The following TTN variants were observed in gnomAD, a reference collection of about 807,000 sequenced individuals.
TTN encodes connectin.
In TTN, 1,525 loss-of-function variants were observed where a neutral mutation model predicts 3,223.0. The ratio of observed to expected loss-of-function variants is 0.47; its 90% confidence interval spans 0.45 to 0.49. The LOEUF (loss-of-function observed/expected upper bound fraction) is 0.49, where lower values mean the gene tolerates loss of function less well. Among genes scored for constraint, TTN ranks in the 20% least tolerant of loss-of-function variants. The probability of loss-of-function intolerance (pLI) is 0.00; values close to 1 mark genes in which losing one functional copy is unlikely to be tolerated. For synonymous variants in TTN, 14,094 were observed against 15,161.0 expected (o/e 0.93, Z 5.17); for missense variants, 40,786 against 43,424.0 (o/e 0.94, Z 5.40).
chr2:178,720,377 A>T lies in TTN; in HGVS notation c.23377+8T>A. On this transcript the variant is annotated splice_region_variant and intron_variant, in intron 80 of 362. Transcript: ENST00000589042. ...GGGGCATATATTTTTGTGTCCATGT[A>T]TACAAACCTTTGAACTTGACAGAGC... 1 of 1,608,160 alleles carries T rather than the reference A, an allele frequency of 6.2e-7. No individual in the cohort carries two copies. The highest frequency in any genetic ancestry group is 8.5e-7 in the Non-Finnish European group (1 of 1,176,722).
chr2:178,587,032 A>G, intron 307 of TTN, 86 bp downstream of exon 307: 2 of 1,530,362 alleles, frequency 1.3e-6, no homozygotes, highest in Non-Finnish European at 8.9e-7. Flanking sequence ...AATCTCTTTC[A>G]GAAGTGGATT....
At position 178,717,317 on chromosome 2, in the gene TTN, C is replaced by T. The variant is rs769092741; in HGVS notation, c.25417G>A (p.Gly8473Ser). 5 of 1,613,606 alleles carry T rather than the reference C, an allele frequency of 3.1e-6. No individual in the cohort carries two copies. Among genetic ancestry groups the T allele is most frequent in the Non-Finnish European group, 4.2e-6 (5 of 1,179,620 alleles). ...CCAGTTACATGACATTTAAAAGTACCACTTTCTCCAAGAGCAAGATCTACT... is the reference window on the plus strand; with the variant it reads ...CCAGTTACATGACATTTAAAAGTACTACTTTCTCCAAGAGCAAGATCTACT... ...VSVDLALGES[G>S]TFKCHVTGTA... Residue 8473 changes from glycine (G) to serine (S), a missense_variant, in exon 88 of 363, where the codon GGT (glycine) becomes AGT (serine). Transcript: ENST00000589042.
Position 178,534,075 on chromosome 2 carries a change from A to G in TTN, c.102540T>C (p.Ser34180=), listed in dbSNP as rs368844570. The G allele has an allele frequency of 3.9e-5, 63 of 1,613,788 alleles. No homozygotes were observed. The South Asian group carries it at 4.5e-4, about 12-fold the overall frequency. The change falls in exon 358 of 363, where the codon AGT becomes AGC. Residue 34180 remains serine (S), a synonymous_variant. Coordinates refer to ENST00000589042, the MANE Select transcript of TTN (RefSeq NM_001267550.2). The part of the protein sequence containing the change: ...WYFGVRQLEN[S]EKYEITYEDG... ...CTTCGTAGGTGATTTCGTATTTCTC[A>G]CTGTTCTCCAGCTGTCGGACGCCAA... is the stretch of plus-strand genomic sequence containing the variant.
At position 178,718,553 on chromosome 2, in the gene TTN, C is replaced by T; in HGVS notation, c.24553G>A (p.Gly8185Arg). Reference protein sequence around the residue: ...KRLADFSVETGSPIVLEATYT... With the variant: ...KRLADFSVETRSPIVLEATYT... The stretch of plus-strand genomic sequence containing the variant: ...GTGGCCTCGAGAACTATGGGGCTTC[C>T]TGTCTCAACACTGAAATCAGCCAAT... Residue 8185 changes from glycine to arginine, a missense_variant, in exon 85 of 363, where the codon GGA becomes AGA. Coordinates refer to ENST00000589042, the MANE Select transcript of TTN (RefSeq NM_001267550.2). 6.2e-7 allele frequency: 1 copy of T among 1,613,604 alleles called. No homozygotes were observed.
chr2:178,779,612 G>A (rs2092584207), intron 22 of TTN, 150 bp from the exon 23 acceptor site: 5 of 623,750 alleles, frequency 8.0e-6, no homozygotes, highest in Non-Finnish European at 1.4e-5. Context: ...TCTGCATTAT[G>A]GTCATCTTTC....
chr2:178,548,657 T>A lies in TTN; in HGVS notation c.92969A>T (p.Asp30990Val), dbSNP rs1206561468. ...TLTVENCNRN[D>V]AGKYTLTVEN... is the part of the protein sequence containing the mutation. ...CACAGTAAGGGTATATTTCCCTGCA[T>A]CATTTCTGTTGCAGTTTTCCACAGT... Residue 30990 changes from aspartate to valine, a missense_variant, in exon 339 of 363, where the codon GAT becomes GTT. Asp to Val is a radical substitution (Grantham distance 152). Transcript: ENST00000589042. The surrounding 1 kb of genome is among the most constrained non-coding windows in gnomAD (Gnocchi z 4.3). 1 of 1,613,882 alleles carries A rather than the reference T, an allele frequency of 6.2e-7. No individual in the cohort carries two copies. The highest frequency in any genetic ancestry group is 1.7e-5 in the Admixed American group (1 of 60,014).
rs2562835 is a variant in TTN, at chr2:178,715,341, A to T, written c.25922-77T>A. 7 of 1,515,528 alleles carry T rather than the reference A, an allele frequency of 4.6e-6. No homozygotes were observed. In the Admixed American group the frequency reaches 1.3e-4, roughly 29 times the overall value. 93.9% of individuals were successfully genotyped at this position (1,515,528 alleles called of 1,614,324 possible). On this transcript the variant is annotated intron_variant, in intron 89 of 362. Transcript: ENST00000589042. Reference sequence around the variant, plus strand: ...AAAGTAAGAATCAATCTTCCACTCCATCAGAGAGATAGAGAGTGAAAAAAA... The same window carrying T: ...AAAGTAAGAATCAATCTTCCACTCCTTCAGAGAGATAGAGAGTGAAAAAAA...
chr2:178,756,004 C>T (rs572274057), intron 46 of TTN, among the ~76,000 whole-genome samples: 9 of 152,220 alleles, frequency 5.9e-5, no homozygotes, highest in Middle Eastern at 3.4e-3. Flanking sequence ...CCCGAACCTA[C>T]GTTTAAAAAT....
At chr2:178,691,983 CA>C (rs746286919) in intron 121 of TTN, 32 bp downstream of exon 121, 2 of 1,582,458 alleles carry the variant, frequency 1.3e-6, no homozygotes, top group Non-Finnish European at 1.7e-6. Flanking sequence ...GCACTTGGAG[CA>C]AAGAGTCTCC....
chr2:178,694,171 T>C (rs1296466385), intron 117 of TTN, among the ~76,000 whole-genome samples, 163 bp from the exon 118 acceptor site: 3 of 152,110 alleles, frequency 2.0e-5, no homozygotes, highest in African/African-American at 7.2e-5. Flanking sequence ...CATGTTTTGA[T>C]CTATAGGGAC....
At chr2:178,745,227 T>A (rs1263095140) in intron 47 of TTN, 13 of 1,076,466 alleles carry the variant, frequency 1.2e-5, no homozygotes, top group Non-Finnish European at 1.5e-5. Flanking sequence ...TACATTGTAC[T>A]TTTGCATATA....
At chr2:178,748,031 T>C (rs2084175546) in intron 47 of TTN, 2 of 1,613,014 alleles carry the variant, frequency 1.2e-6, no homozygotes, top group Non-Finnish European at 1.7e-6. Context: ...TGCTGCCAAC[T>C]CTGGTTCTAG....
Position 178,614,671 on chromosome 2 carries a change from G to A in TTN, c.48843C>T (p.Thr16281=), listed in dbSNP as rs547682223. 1.1e-5 allele frequency: 18 copies of A among 1,612,236 alleles called. No homozygotes were observed. The East Asian group carries it at 1.6e-4, about 14-fold the overall frequency. Residue 16281 remains threonine (T), a synonymous_variant, in exon 261 of 363, where the codon ACC becomes ACT. Coordinates refer to ENST00000589042, the MANE Select transcript of TTN (RefSeq NM_001267550.2). The part of the protein sequence containing the change: ...KAGTKIELPA[T]VTGKPEPKIT... ...TTTTAGGTTCAGGTTTTCCGGTTAC[G>A]GTGGCAGGAAGTTCAATCTTGGTCC...
Position 178,532,903 on chromosome 2 carries a change from T to C in TTN, c.103712A>G (p.Tyr34571Cys). 4 of 1,614,016 alleles carry C rather than the reference T, an allele frequency of 2.5e-6. No homozygotes were observed. Among genetic ancestry groups the C allele is most frequent in the Non-Finnish European group, 3.4e-6 (4 of 1,179,878 alleles). ...QFVPMSDMKW[Y>C]KKIRDQYEMP... Reference sequence around the variant, plus strand: ...TTCATACTGATCACGTATCTTTTTATACCACTTCATGTCAGACATGGGCAC... The same window carrying C: ...TTCATACTGATCACGTATCTTTTTACACCACTTCATGTCAGACATGGGCAC... Residue 34571 changes from tyrosine to cysteine, a missense_variant, in exon 358 of 363, where the codon TAT (tyrosine) becomes TGT (cysteine). Transcript: ENST00000589042.
Position 178,593,480 on chromosome 2 carries a change from A to T in TTN, c.58733-5T>A, listed in dbSNP as rs1254611353. 1.9e-6 allele frequency: 3 copies of T among 1,603,344 alleles called. No individual in the cohort carries two copies. Among genetic ancestry groups the T allele is most frequent in the African/African-American group, 1.4e-5 (1 of 74,006 alleles). ...GATCAGGTGCATCAGGAACCCCTGTAACAAATGTTGGAAAATGCGTTAGAA... is the reference window on the plus strand; with the variant it reads ...GATCAGGTGCATCAGGAACCCCTGTTACAAATGTTGGAAAATGCGTTAGAA... On this transcript the variant is annotated splice_region_variant and splice_polypyrimidine_tract_variant and intron_variant, in intron 298 of 362. Coordinates refer to ENST00000589042, the MANE Select transcript of TTN (RefSeq NM_001267550.2).
chr2:178,584,426 C>G lies in TTN; in HGVS notation c.65125G>C (p.Ala21709Pro), dbSNP rs549711049. 2.2e-5 allele frequency: 36 copies of G among 1,613,304 alleles called. 1 individual carries two copies. In the South Asian group the frequency reaches 4.0e-4, roughly 18 times the overall value. ...GTTGACCGGACAAGAGTATCATTGGCTTTCACCCACAGCAAACTGTTTCTT... is the reference window on the plus strand; with the variant it reads ...GTTGACCGGACAAGAGTATCATTGGGTTTCACCCACAGCAAACTGTTTCTT... Reference protein sequence around the residue: ...KERNSLLWVKANDTLVRSTEY... With the variant: ...KERNSLLWVKPNDTLVRSTEY... The change falls in exon 311 of 363, where the codon GCC (alanine) becomes CCC (proline). Residue 21709 changes from alanine to proline, a missense_variant. By Grantham distance (27) the Ala-to-Pro change is conservative. Coordinates refer to ENST00000589042, the MANE Select transcript of TTN (RefSeq NM_001267550.2).
chr2:178,649,776 T>C (rs1478214747), intron 211 of TTN, 41 bp downstream of exon 211: 2 of 1,594,366 alleles, frequency 1.3e-6, no homozygotes, highest in Admixed American at 1.7e-5. Context: ...TGTAAAATTG[T>C]AGACACCACA....
At chr2:178,594,288 A>G in intron 296 of TTN, 46 bp from the exon 297 acceptor site, 1 of 1,595,946 alleles carries the variant, frequency 6.3e-7, no homozygotes, top group South Asian at 1.1e-5. Flanking sequence ...TTGATGTCTT[A>G]TTACAAATCT....
Position 178,595,637 on chromosome 2 carries a change from G to A in TTN, c.57717C>T (p.Thr19239=), listed in dbSNP as rs376023700. The change falls in exon 295 of 363, where the codon ACC becomes ACT. Residue 19239 remains threonine (T), a synonymous_variant. Transcript: ENST00000589042. ...RAWTPVTYTV[T]RQNATVQGLI... ...GACCCTGGACAGTAGCATTTTGTCG[G>A]GTAACTGTATATGTCACTGGGGTCC... 4.4e-6 allele frequency: 7 copies of A among 1,605,442 alleles called. No individual in the cohort carries two copies. In the South Asian group the frequency reaches 7.8e-5, roughly 18 times the overall value.
Sources: gnomAD v4.1 joint callset for allele counts (sites outside exome capture counted in the v4.1 genomes callset) on GRCh38, gnomAD v4.1.1 for gene constraint, Gnocchi (gnomAD v3.1) non-coding constraint, MANE v1.5 for transcripts, NCBI Gene and HGNC (gene_info 2026-07-23, HGNC 2026-07-21) for gene names.